The following VWF variants were observed in gnomAD, a reference collection of about 807,000 sequenced individuals.
VWF encodes Factor VIII related antigen.
Under a neutral mutation model 308.6 loss-of-function variants are expected in VWF, and 176 were observed. That is an observed-to-expected ratio of 0.57 (90% CI 0.50 to 0.65). VWF has a LOEUF of 0.65. VWF is among the 30% of genes least tolerant of loss of function. The probability of loss-of-function intolerance (pLI) is 0.00; values close to 1 mark genes in which losing one functional copy is unlikely to be tolerated. For missense variants in VWF, 3,146 were observed against 3,648.2 expected (o/e 0.86, Z 3.55); for synonymous variants, 1,385 against 1,443.4 (o/e 0.96, Z 0.92).
chr12:6,070,523 T>G (rs565834334), intron 10 of VWF, among the ~76,000 whole-genome samples: 1 of 152,354 alleles, frequency 6.6e-6, no homozygotes, highest in Admixed American at 6.5e-5. Context: ...GGCAAGTCAT[T>G]TAACCTCTCT....
intron 47 of VWF, among the ~76,000 whole-genome samples, chr12:5,966,458 G>T (rs1351560155): frequency 1.3e-5 from 2 of 152,064 alleles, no homozygotes; most frequent in East Asian, 3.9e-4. Flanking sequence ...AGACCCATCC[G>T]CTCCATACTT....
chr12:6,000,811 C>CAAAAAAA (rs71064181), intron 34 of VWF, among the ~76,000 whole-genome samples: 2 of 69,802 alleles, frequency 2.9e-5, no homozygotes, highest in Non-Finnish European at 5.3e-5. Context: ...GACTCTGTCT[C>CAAAAAAA]AAAAAAAAAA....
intron 18 of VWF, among the ~76,000 whole-genome samples, chr12:6,038,092 G>C (rs777471568): frequency 6.6e-6 from 1 of 152,150 alleles, no homozygotes; most frequent in Admixed American, 6.5e-5. Flanking sequence ...GTTCTTGGGA[G>C]GGAATGAGCT....
chr12:5,976,353 G>A, intron 42 of VWF, 93 bp from the exon 43 acceptor site: 1 of 1,525,416 alleles, frequency 6.6e-7, no homozygotes, highest in Non-Finnish European at 9.1e-7. Context: ...TCTAAGTGCT[G>A]AGAATGTGGC....
intron 34 of VWF, among the ~76,000 whole-genome samples, chr12:6,004,857 A>G (rs546341613): frequency 2.6e-5 from 4 of 152,298 alleles, no homozygotes; most frequent in Non-Finnish European, 5.9e-5. Context: ...CTTGGAATAA[A>G]CTTAGCAAGA....
At position 6,018,847 on chromosome 12, in the gene VWF, AC is replaced by A. The variant is rs61750103; in HGVS notation, c.4570del (p.Val1524Ter). On this transcript the variant is annotated frameshift_variant, in exon 28 of 52. Coordinates refer to ENST00000261405, the MANE Select transcript of VWF (RefSeq NM_000552.5). LOFTEE classifies it high-confidence loss of function. ...FNRSKEFMEEVIQRMDVGQDS... is the reference protein window; with the variant it reads ...FNRSKEFMEEXIQRMDVGQDS... ...CTGGCCCACATCCATCCGCTGAATC[AC>A]CTCCTCCATGAACTCCTTGCTCCTG... 1 of 1,613,542 alleles carries A rather than the reference AC, an allele frequency of 6.2e-7. No individual in the cohort carries two copies. Among genetic ancestry groups the A allele is most frequent in the Non-Finnish European group, 8.5e-7 (1 of 1,179,762 alleles).
Position 6,046,779 on chromosome 12 carries a change from C to T in VWF, c.2225G>A (p.Gly742Glu). 6.2e-7 allele frequency: 1 copy of T among 1,614,138 alleles called. No individual in the cohort carries two copies. Among genetic ancestry groups the T allele is most frequent in the Non-Finnish European group, 8.5e-7 (1 of 1,180,040 alleles). The change falls in exon 17 of 52, where the codon GGA (glycine) becomes GAA (glutamate). Residue 742 changes from glycine to glutamate, a missense_variant. Gly to Glu is a moderately conservative substitution (Grantham distance 98). This residue lies in a region of VWF where 1,304 missense variants were observed against 1,353.0 expected (regional missense o/e 0.96). Coordinates refer to ENST00000261405, the MANE Select transcript of VWF (RefSeq NM_000552.5). The surrounding 1 kb of genome is among the most constrained non-coding windows in gnomAD (Gnocchi z 5.0). ...GTCAGGCAGCAAGCTTCCGGGGACT[C>T]CACTCATGGTACAGTGCATGAAGCC... ...EDGFMHCTMSGVPGSLLPDAV... is the reference protein window; with the variant it reads ...EDGFMHCTMSEVPGSLLPDAV...
At chr12:6,089,220 G>C (rs368803771) in intron 6 of VWF, among the ~76,000 whole-genome samples, 1 of 152,318 alleles carries the variant, frequency 6.6e-6, no homozygotes, top group African/African-American at 2.4e-5. Context: ...CCTCTTGGGA[G>C]ACGAGTCATT....
rs779703153 is a variant in VWF, at chr12:6,103,371, T to TGTGTGTGTATACACGTGTGTGTATACAC, written c.532+6975_532+7002dup. On this transcript the variant is annotated intron_variant, in intron 5 of 51. Transcript: ENST00000261405. ...GTGTGTATATATACATATATATGTG[T>TGTGTGTGTATACACGTGTGTGTATACAC]GTGTGTGTATACACGTGTGTGTATA... 5.2e-3 allele frequency among the ~76,000 whole-genome samples: 696 copies of TGTGTGTGTATACACGTGTGTGTATACAC among 134,478 alleles called. 20 individuals carry two copies. The highest frequency in any genetic ancestry group is 8.2e-3 in the East Asian group (40 of 4,856). 88.2% of individuals were successfully genotyped at this position (134,478 alleles called of 152,430 possible).
rs761288966 is a variant in VWF, at chr12:6,052,755, G to A, written c.1974C>T (p.Tyr658=). The A allele has an allele frequency of 3.1e-6, 5 of 1,613,218 alleles. No homozygotes were observed. The highest frequency in any genetic ancestry group is 4.5e-5 in the East Asian group (2 of 44,830). ...CELNCPKGQV[Y]LQCGTPCNLT... ...GGTTGCAGGGGGTCCCGCACTGCAG[G>A]TACACCTGGCCTTTCGGGCAGTTCA... is the stretch of plus-strand genomic sequence containing the variant. Residue 658 remains tyrosine (Y), a synonymous_variant, in exon 16 of 52, where the codon TAC becomes TAT. Coordinates refer to ENST00000261405, the MANE Select transcript of VWF (RefSeq NM_000552.5).
In VWF at chr12:6,016,737, G is replaced by A; in HGVS notation, c.5170+17C>T. The A allele has an allele frequency of 6.2e-7, 1 of 1,614,228 alleles. No homozygotes were observed. The highest frequency in any genetic ancestry group is 8.5e-7 in the Non-Finnish European group (1 of 1,180,046). On this transcript the variant is annotated intron_variant, in intron 29 of 51. Transcript: ENST00000261405. ...GCCTCTTCGTCACCTGCTGCTTCAG[G>A]TGCCTCGCTCACCCACCTATATTGG...
At chr12:6,123,034 G>T (rs1229588808) in intron 2 of VWF, 108 bp downstream of exon 2, 21 of 1,419,108 alleles carry the variant, frequency 1.5e-5, no homozygotes, top group Non-Finnish European at 2.1e-5. Flanking sequence ...GCCTAAGTTA[G>T]GGCTGGGCAC....
intron 5 of VWF, among the ~76,000 whole-genome samples, chr12:6,097,849 A>G (rs1181105196): frequency 6.6e-6 from 1 of 152,226 alleles, no homozygotes; most frequent in South Asian, 2.1e-4. Flanking sequence ...CAGTCACTCC[A>G]TATCACACAG....
intron 47 of VWF, among the ~76,000 whole-genome samples, chr12:5,954,263 A>C (rs10774387): frequency 0.25 from 37,600 of 151,944 alleles, 5,955 homozygotes; most frequent in African/African-American, 0.44. Flanking sequence ...TACTCTTGTG[A>C]CTCCTCAGCT....
chr12:6,071,904 G>C (rs1376766869), intron 9 of VWF, among the ~76,000 whole-genome samples: 2 of 152,184 alleles, frequency 1.3e-5, no homozygotes, highest in East Asian at 1.9e-4. Context: ...CTACTGCAGG[G>C]ACCAAGGGAG....
At chr12:6,041,512 A>G (rs1246525627) in intron 18 of VWF, among the ~76,000 whole-genome samples, 1 of 151,672 alleles carries the variant, frequency 6.6e-6, no homozygotes, top group African/African-American at 2.4e-5. Flanking sequence ...GCAGTGGTGC[A>G]ATCTCAGCTC....
At position 5,994,075 on chromosome 12, in the gene VWF, C is replaced by A. The variant is rs61750617; in HGVS notation, c.6385G>T (p.Glu2129Ter). ...PGQTCQPILEEQCLVPDSSHC... is the reference protein window; with the variant it reads ...PGQTCQPILE ...GAGCTGTCGGGGACAAGACACTGCT[C>A]CTCCAGGATGGGCTGGCACGTCTGC... is the stretch of plus-strand genomic sequence containing the variant. The change falls in exon 37 of 52, where the codon GAG (glutamate) becomes TAG (stop). Residue 2129 changes from glutamate (E) to a stop codon, truncating the protein, a stop_gained. Coordinates refer to ENST00000261405, the MANE Select transcript of VWF (RefSeq NM_000552.5). LOFTEE classifies it high-confidence loss of function. 6.2e-7 allele frequency: 1 copy of A among 1,614,194 alleles called. No homozygotes were observed. The highest frequency in any genetic ancestry group is 8.5e-7 in the Non-Finnish European group (1 of 1,180,038).
Position 6,019,482 on chromosome 12 carries a change from C to T in VWF, c.3936G>A (p.Lys1312=). The change falls in exon 28 of 52, where the codon AAG becomes AAA. Residue 1312 remains lysine, a synonymous_variant. Transcript: ENST00000261405. The surrounding 1 kb of genome is among the most constrained non-coding windows in gnomAD (Gnocchi z 5.8). ...ACTCCACCACGGCCACGCGGACCCA[C>T]TTCTGGGAGATGCGCAGCCGCTCCA... The part of the protein sequence containing the change: ...DMMERLRISQ[K]WVRVAVVEYH... 1 of 1,613,988 alleles carries T rather than the reference C, an allele frequency of 6.2e-7. No individual in the cohort carries two copies. The highest frequency in any genetic ancestry group is 1.1e-5 in the South Asian group (1 of 91,078).
At chr12:5,984,042 A>G (rs917348475) in intron 40 of VWF, among the ~76,000 whole-genome samples, 1 of 151,780 alleles carries the variant, frequency 6.6e-6, no homozygotes, top group Non-Finnish European at 1.5e-5. Context: ...ACAGACAGAT[A>G]GATCAATCCA....
Sources: allele counts gnomAD v4.1 joint callset (sites outside exome capture counted in the v4.1 genomes callset), GRCh38; gene constraint gnomAD v4.1.1; regional missense constraint gnomAD v4.1.1; non-coding constraint Gnocchi (gnomAD v3.1); transcripts MANE v1.5; gene names NCBI Gene and HGNC (gene_info 2026-07-23, HGNC 2026-07-21).